RBFOX1: variants seen among roughly 807,000 people sequenced by gnomAD.
RBFOX1 encodes RNA binding protein fox-1 homolog 1.
Under a neutral mutation model 57.7 loss-of-function variants are expected in RBFOX1, and 8 were observed. The observed-to-expected ratio is 0.14, with a 90% CI of 0.08 to 0.25. The LOEUF is 0.25. Among genes scored for constraint, RBFOX1 ranks in the 10% least tolerant of loss-of-function variants. RBFOX1 has a pLI of 1.00. For missense variants in RBFOX1, 611 were observed against 548.5 expected (o/e 1.11, Z -1.14); for synonymous variants, 326 against 222.4 (o/e 1.47, Z -4.15).
chr16:6,563,120 A>G (rs954549997), intron 2 of RBFOX1, among the ~76,000 whole-genome samples: 2 of 152,004 alleles, frequency 1.3e-5, no homozygotes, highest in Non-Finnish European at 2.9e-5. Flanking sequence ...CCCAAGTGCA[A>G]TGCCTGGTGC....
intron 2 of RBFOX1, among the ~76,000 whole-genome samples, chr16:6,559,051 G>C (rs947485389): frequency 1.3e-5 from 2 of 152,020 alleles, no homozygotes; most frequent in South Asian, 2.1e-4. Context: ...GGATAGATGA[G>C]AATATGTCTG....
chr16:6,955,721 G>A (rs1421964525), intron 3 of RBFOX1, among the ~76,000 whole-genome samples: 2 of 131,186 alleles, frequency 1.5e-5, no homozygotes, highest in African/African-American at 6.3e-5. Context: ...ATTTATTTTT[G>A]AGAGGGAGTT....
At chr16:5,419,179 A>G (rs2067242794) in intron 1 of RBFOX1, among the ~76,000 whole-genome samples, 1 of 152,208 alleles carries the variant, frequency 6.6e-6, no homozygotes, top group South Asian at 2.1e-4. Flanking sequence ...AAACAGAACT[A>G]ATCAGATAGA....
intron 4 of RBFOX1, among the ~76,000 whole-genome samples, chr16:7,165,961 C>CATAT (rs1192939963): frequency 1.7e-5 from 2 of 115,300 alleles, no homozygotes; most frequent in Admixed American, 1.0e-4. Context: ...CACACACACA[C>CATAT]ACACATACAT....
chr16:6,687,984 C>T, intron 3 of RBFOX1, among the ~76,000 whole-genome samples: 1 of 152,234 alleles, frequency 6.6e-6, no homozygotes, highest in Non-Finnish European at 1.5e-5. Flanking sequence ...CAAAACCACT[C>T]TTGGAAACAT....
At chr16:6,936,040 T>G (rs2077314171) in intron 3 of RBFOX1, among the ~76,000 whole-genome samples, 1 of 152,184 alleles carries the variant, frequency 6.6e-6, no homozygotes, top group African/African-American at 2.4e-5. Context: ...TTCTTCTCAA[T>G]GCGCAAGAGT....
At chr16:6,877,768 A>C (rs1167835098) in intron 3 of RBFOX1, among the ~76,000 whole-genome samples, 5 of 152,018 alleles carry the variant, frequency 3.3e-5, no homozygotes, top group African/African-American at 1.2e-4. Flanking sequence ...TAAATTGTAT[A>C]AATTGCTTTA....
At chr16:6,693,781 C>T (rs772231583) in intron 3 of RBFOX1, among the ~76,000 whole-genome samples, 1 of 151,812 alleles carries the variant, frequency 6.6e-6, no homozygotes, top group Non-Finnish European at 1.5e-5. Context: ...ACATCATCTT[C>T]CTCCGCTGCC....
chr16:7,068,558 G>C (rs2056652067), intron 4 of RBFOX1, among the ~76,000 whole-genome samples: 1 of 152,076 alleles, frequency 6.6e-6, no homozygotes, highest in African/African-American at 2.4e-5. Flanking sequence ...TACCATAATA[G>C]TACTGACTCT....
intron 3 of RBFOX1, among the ~76,000 whole-genome samples, chr16:6,780,073 T>TTA (rs1218081039): frequency 1.3e-4 from 1 of 7,760 alleles, no homozygotes; most frequent in Non-Finnish European, 1.8e-4. Context: ...TTATATATAT[T>TTA]TACATATTTA....
At chr16:6,505,785 C>T (rs933702692) in intron 2 of RBFOX1, among the ~76,000 whole-genome samples, 2 of 152,072 alleles carry the variant, frequency 1.3e-5, no homozygotes, top group African/African-American at 4.8e-5. Context: ...AAGAGAATTC[C>T]TTGGAGGCAG....
At chr16:5,829,517 C>T (rs1378691692) in intron 3 of RBFOX1, among the ~76,000 whole-genome samples, 3 of 152,024 alleles carry the variant, frequency 2.0e-5, no homozygotes, top group East Asian at 1.9e-4. Context: ...GGAGGCAGAA[C>T]CCAAGGTGTG....
At chr16:6,126,019 A>G (rs1306695902) in intron 1 of RBFOX1, among the ~76,000 whole-genome samples, 2 of 152,216 alleles carry the variant, frequency 1.3e-5, no homozygotes, top group Non-Finnish European at 2.9e-5. Context: ...TGTCTTATTA[A>G]CAACTTTAAC....
Position 5,483,687 on chromosome 16 carries a change from C to G in RBFOX1, c.258+16433C>G, listed in dbSNP as rs144949131. ...TTCGCCTTCTGATCTGCTGATAAAGCAAAGCACTGTTGGGTGAATACAGAT... is the reference window on the plus strand; with the variant it reads ...TTCGCCTTCTGATCTGCTGATAAAGGAAAGCACTGTTGGGTGAATACAGAT... On this transcript the variant is annotated intron_variant, in intron 2 of 2. Transcript: ENST00000585867. 4.6e-5 allele frequency among the ~76,000 whole-genome samples: 7 copies of G among 152,306 alleles called. No homozygotes were observed. The East Asian group carries it at 1.3e-3, about 29-fold the overall frequency.
At chr16:5,862,429 A>G (rs1293189368) in intron 3 of RBFOX1, among the ~76,000 whole-genome samples, 3 of 152,090 alleles carry the variant, frequency 2.0e-5, no homozygotes, top group Non-Finnish European at 4.4e-5. Context: ...CGCTTGTAGC[A>G]CCGTTGGCAC....
intron 4 of RBFOX1, among the ~76,000 whole-genome samples, chr16:5,943,733 A>C (rs932037791): frequency 6.6e-6 from 1 of 152,214 alleles, no homozygotes; most frequent in African/African-American, 2.4e-5. Context: ...TTTGCCAAGT[A>C]AACTACAAGT....
chr16:7,502,236 C>A (rs1378485404), intron 4 of RBFOX1, among the ~76,000 whole-genome samples: 3 of 152,270 alleles, frequency 2.0e-5, no homozygotes, highest in South Asian at 4.1e-4. Context: ...TGCAAGCCAA[C>A]CGATATCTAT....
chr16:7,211,420 C>G (rs2091119274), intron 4 of RBFOX1, among the ~76,000 whole-genome samples: 1 of 143,922 alleles, frequency 6.9e-6, no homozygotes, highest in Middle Eastern at 3.6e-3. Flanking sequence ...AAATTGGACT[C>G]TGGTTTCTAA....
At chr16:5,548,177 ATATATATATATAT>A (rs2045311231) in intron 2 of RBFOX1, among the ~76,000 whole-genome samples, 1 of 40,858 alleles carries the variant, frequency 2.4e-5, no homozygotes, top group African/African-American at 7.2e-5. Flanking sequence ...AAAAAAAAAT[ATATATATATATAT>A]ATATATATAT....
Sources: gnomAD v4.1 joint callset for allele counts (sites outside exome capture counted in the v4.1 genomes callset) on GRCh38, gnomAD v4.1.1 for gene constraint, MANE v1.5 for transcripts, NCBI Gene and HGNC (gene_info 2026-07-23, HGNC 2026-07-21) for gene names.